The following CASKIN1 variants were observed in gnomAD, a reference collection of about 807,000 sequenced individuals.
CASKIN1 encodes the protein caskin-1.
A neutral mutation model predicts 117.5 loss-of-function variants in CASKIN1; 42 were observed. The ratio of observed to expected loss-of-function variants is 0.36; its 90% CI spans 0.28 to 0.46. The LOEUF (loss-of-function observed/expected upper bound fraction) is 0.46, where lower values mean the gene tolerates loss of function less well. Among genes scored for constraint, CASKIN1 ranks in the 20% least tolerant of loss-of-function variants. The probability of loss-of-function intolerance (pLI) is 1.00; values close to 1 mark genes in which losing one functional copy is unlikely to be tolerated. For missense variants in CASKIN1, 2,083 were observed against 2,077.3 expected (o/e 1.00, Z -0.05); for synonymous variants, 1,148 against 961.7 (o/e 1.19, Z -3.59).
At position 2,179,762 on chromosome 16, in the gene CASKIN1, G is replaced by GGGCGGGGGTTCGGCA. The variant is rs778778567; in HGVS notation, c.3591_3605dup (p.Ala1198_Pro1202dup). 6 of 1,565,030 alleles carry GGGCGGGGGTTCGGCA rather than the reference G, an allele frequency of 3.8e-6. No homozygotes were observed. The African/African-American group carries it at 5.4e-5, about 14-fold the overall frequency. On this transcript the variant is annotated inframe_insertion, in exon 18 of 20. Transcript: ENST00000343516. The surrounding 1 kb of genome is among the most constrained non-coding windows in gnomAD (Gnocchi z 5.8). ...ATGGGGGTAGGTGCGCCAGGTCGGT[G>GGGCGGGGGTTCGGCA]GGCGGGGGTTCGGCAGGCGGGGGCG... is the stretch of plus-strand genomic sequence containing the variant.
At position 2,178,643 on chromosome 16, in the gene CASKIN1, G is replaced by T; in HGVS notation, c.4203C>A (p.Asp1401Glu). The change falls in exon 20 of 20, where the codon GAC (aspartate) becomes GAA (glutamate). Residue 1401 changes from aspartate (D) to glutamate (E), a missense_variant. By Grantham distance (45) the Asp-to-Glu change is conservative. This residue lies in a region of CASKIN1 where 1,818 missense variants were observed against 1,688.9 expected (regional missense o/e 1.08). Coordinates refer to ENST00000343516, the MANE Select transcript of CASKIN1 (RefSeq NM_020764.4). The part of the protein sequence containing the change: ...IRQEDAQGPR[D>E]SAAEKSTGSI... ...TGCCAGTGCTCTTTTCCGCCGCCGA[G>T]TCGCTGCGGGGCGCGGGGCAAGGGG... 1.3e-6 allele frequency: 2 copies of T among 1,588,700 alleles called. No individual in the cohort carries two copies. Among genetic ancestry groups the T allele is most frequent in the Non-Finnish European group, 1.7e-6 (2 of 1,173,844 alleles).
chr16:2,179,816 C>T lies in CASKIN1; in HGVS notation c.3552G>A (p.Glu1184=). The stretch of plus-strand genomic sequence containing the variant: ...GAGGCAGCTCCGGAGGCCCAGCCTG[C>T]TCCGAGGCCGGTCGGCGGCGCACGG... The part of the protein sequence containing the change: ...TGTVRRRPAS[E]QAGPPELPPP... The change falls in exon 18 of 20, where the codon GAG becomes GAA. Residue 1184 remains glutamate, a synonymous_variant. Transcript: ENST00000343516. This position sits in a 1 kb window ranked among gnomAD's most constrained non-coding sequence, Gnocchi z 5.8. 1 of 1,588,356 alleles carries T rather than the reference C, an allele frequency of 6.3e-7. No individual in the cohort carries two copies.
intron 6 of CASKIN1, 93 bp from the exon 7 acceptor site, chr16:2,187,554 CAGTCAGCTTGG>C (rs2093188578): frequency 1.0e-6 from 1 of 989,548 alleles, no homozygotes. Context: ...GGTACCCCAG[CAGTCAGCTTGG>C]GGGCTGAGGA....
chr16:2,183,417 G>A (rs2093174071), intron 16 of CASKIN1, among the ~76,000 whole-genome samples: 1 of 152,154 alleles, frequency 6.6e-6, no homozygotes, highest in African/African-American at 2.4e-5. Context: ...GACTCTCCTG[G>A]CTTCAGGCTC....
rs1163914638 is a variant in CASKIN1 at position 2,180,733 on chromosome 16, G to A, written c.2635C>T (p.Arg879Trp). The part of the protein sequence containing the change: ...ADAEPGRPKK[R>W]AHSLNRYAAS... The stretch of plus-strand genomic sequence containing the variant: ...GCATAGCGATTCAGGCTGTGGGCCC[G>A]CTTCTTGGGCCGCCCCGGCTCCGCG... Residue 879 changes from arginine (R) to tryptophan (W), a missense_variant, in exon 18 of 20, where the codon CGG (arginine) becomes TGG (tryptophan). Arg to Trp is a moderately radical substitution (Grantham distance 101). Transcript: ENST00000343516. 9.0e-6 allele frequency: 13 copies of A among 1,447,452 alleles called. No individual in the cohort carries two copies. The highest frequency in any genetic ancestry group is 9.9e-6 in the Non-Finnish European group (11 of 1,107,886). 89.7% of individuals were successfully genotyped at this position (1,447,452 alleles called of 1,614,324 possible). A position where few individuals can be genotyped will look rare whatever the true frequency, so the allele number is the denominator to read the frequency against.
At chr16:2,195,972 G>C (rs537063103) in intron 1 of CASKIN1, among the ~76,000 whole-genome samples, 4 of 149,274 alleles carry the variant, frequency 2.7e-5, no homozygotes, top group East Asian at 2.0e-4. Context: ...CGTGTGGTGG[G>C]TGGGGGGGGC....
At position 2,184,718 on chromosome 16, in the gene CASKIN1, C is replaced by T. The variant is rs150156711; in HGVS notation, c.1416+59G>A. 2.3e-3 allele frequency: 3,169 copies of T among 1,389,952 alleles called. 45 individuals are homozygous for T. The African/African-American group carries it at 0.04, about 18-fold the overall frequency. The allele number at this position is 1,389,952 out of a possible 1,614,324, so 86.1% of individuals were successfully genotyped here. On this transcript the variant is annotated intron_variant, in intron 14 of 19. Transcript: ENST00000343516. The stretch of plus-strand genomic sequence containing the variant: ...GCAGGCCGTGTAAGCACCCATCAGC[C>T]CATCGGCCTTACAGCCTCTCCCCGG...
At chr16:2,181,661 A>C in intron 17 of CASKIN1, 62 bp from the exon 18 acceptor site, 2 of 101,848 alleles carry the variant, frequency 2.0e-5, no homozygotes, top group Non-Finnish European at 3.6e-5. Context: ...GGGCCGGGCT[A>C]GGGGCGGGGC....
Position 2,181,353 on chromosome 16 carries a change from C to A in CASKIN1, c.2015G>T (p.Gly672Val), listed in dbSNP as rs1452114413. The A allele has an allele frequency of 3.1e-6, 5 of 1,606,476 alleles. No homozygotes were observed. Among genetic ancestry groups the A allele is most frequent in the Non-Finnish European group, 2.5e-6 (3 of 1,178,364 alleles). The change falls in exon 18 of 20, where the codon GGG becomes GTG. Residue 672 changes from glycine to valine, a missense_variant. Physicochemically the swap from Gly to Val is moderately radical, Grantham distance 109. Around this residue, in one of 3 missense-constraint regions of CASKIN1, gnomAD observed 1,818 missense variants for 1,688.9 expected, o/e 1.08. Transcript: ENST00000343516. Reference sequence around the variant, plus strand: ...GCTGGAGGGCTTCTCAGTGGTGGGCCCCACCTCAGCCGGGCCAGTCATGGC... The same window carrying A: ...GCTGGAGGGCTTCTCAGTGGTGGGCACCACCTCAGCCGGGCCAGTCATGGC... ...QAAMTGPAEV[G>V]PTTEKPSSHL...
chr16:2,177,913 A>T lies in CASKIN1; in HGVS notation c.*637T>A. On this transcript the variant is annotated 3_prime_UTR_variant, in exon 20 of 20. Coordinates refer to ENST00000343516, the MANE Select transcript of CASKIN1 (RefSeq NM_020764.4). ...CCTGTGCTAGCAGCCTGGGGCCTCCACTCTGGCCGGAGGAAGGACCGCAGG... is the reference window on the plus strand; with the variant it reads ...CCTGTGCTAGCAGCCTGGGGCCTCCTCTCTGGCCGGAGGAAGGACCGCAGG... The T allele has an allele frequency of 2.9e-6, 1 of 339,326 alleles. No individual in the cohort carries two copies. Among genetic ancestry groups the T allele is most frequent in the Non-Finnish European group, 5.5e-6 (1 of 180,796 alleles). The allele number at this position is 339,326 out of a possible 1,614,324, so 21.0% of individuals were successfully genotyped here. A position where few individuals can be genotyped will look rare whatever the true frequency, so the allele number is the denominator to read the frequency against.
Position 2,185,144 on chromosome 16 carries a change from AC to A in CASKIN1, c.1205del (p.Gly402ValfsTer76). 6.2e-7 allele frequency: 1 copy of A among 1,605,794 alleles called. No individual in the cohort carries two copies. Among genetic ancestry groups the A allele is most frequent in the African/African-American group, 1.3e-5 (1 of 74,820 alleles). ...CTTCAGAGCCCGCGTGTAGGGCGTG[AC>A]CCCCGCTGCCCCGGCCGCCAGCCAT... Reference protein sequence around the residue: ...SGMAGGRGSGGHALHAGSEGV... With the variant: ...SGMAGGRGSGXHALHAGSEGV... On this transcript the variant is annotated frameshift_variant, in exon 12 of 20. Coordinates refer to ENST00000343516, the MANE Select transcript of CASKIN1 (RefSeq NM_020764.4). LOFTEE classifies it high-confidence loss of function.
rs2093144610 is a variant in CASKIN1, at chr16:2,177,638, C to G, written c.*912G>C. 4.2e-6 allele frequency: 1 copy of G among 237,030 alleles called. No homozygotes were observed. Among genetic ancestry groups the G allele is most frequent in the East Asian group, 6.1e-5 (1 of 16,412 alleles). The allele number at this position is 237,030 out of a possible 1,614,324, so 14.7% of individuals were successfully genotyped here. On this transcript the variant is annotated 3_prime_UTR_variant, in exon 20 of 20. Coordinates refer to ENST00000343516, the MANE Select transcript of CASKIN1 (RefSeq NM_020764.4). Reference sequence around the variant, plus strand: ...GCCTGCACAGCCCCTGGAGAGGGGGCCAGGCACACCCTCAGAGGAGCTGCA... The same window carrying G: ...GCCTGCACAGCCCCTGGAGAGGGGGGCAGGCACACCCTCAGAGGAGCTGCA...
intron 9 of CASKIN1, 66 bp from the exon 10 acceptor site, chr16:2,186,890 C>A (rs2093186424): frequency 1.2e-6 from 2 of 1,604,172 alleles, no homozygotes; most frequent in Admixed American, 3.3e-5. Flanking sequence ...GCCCAGTGCC[C>A]CCCAGTTGCG....
Position 2,181,946 on chromosome 16 carries a change from C to G in CASKIN1, c.1630-17G>C. 3 of 1,611,810 alleles carry G rather than the reference C, an allele frequency of 1.9e-6. No homozygotes were observed. Among genetic ancestry groups the G allele is most frequent in the Non-Finnish European group, 1.7e-6 (2 of 1,178,652 alleles). On this transcript the variant is annotated splice_polypyrimidine_tract_variant and intron_variant, in intron 16 of 19. Coordinates refer to ENST00000343516, the MANE Select transcript of CASKIN1 (RefSeq NM_020764.4). Reference sequence around the variant, plus strand: ...CAGGTTAGCCTACAGAGCAGACACACAGAGGAGCCACCTGGGCTGGCTGCC... The same window carrying G: ...CAGGTTAGCCTACAGAGCAGACACAGAGAGGAGCCACCTGGGCTGGCTGCC...
intron 5 of CASKIN1, 22 bp downstream of exon 5, chr16:2,189,216 C>T (rs1453350433): frequency 9.3e-6 from 15 of 1,612,824 alleles, no homozygotes; most frequent in Non-Finnish European, 1.3e-5. Flanking sequence ...CCCCACCCCA[C>T]AGGGCTCCAC....
Position 2,181,021 on chromosome 16 carries a change from T to A in CASKIN1, c.2347A>T (p.Thr783Ser). 6.7e-7 allele frequency: 1 copy of A among 1,481,968 alleles called. No homozygotes were observed. The highest frequency in any genetic ancestry group is 8.9e-7 in the Non-Finnish European group (1 of 1,120,628). The allele number at this position is 1,481,968 out of a possible 1,614,324, so 91.8% of individuals were successfully genotyped here. A position where few individuals can be genotyped will look rare whatever the true frequency, so the allele number is the denominator to read the frequency against. Residue 783 changes from threonine to serine, a missense_variant, in exon 18 of 20, where the codon ACC (threonine) becomes TCC (serine). This residue lies in a region of CASKIN1 where 1,818 missense variants were observed against 1,688.9 expected (regional missense o/e 1.08). Transcript: ENST00000343516. ...AGGGCCTGGGGAGAGCCTGGTCGGG[T>A]TTTGGTGGGCGTCTGGGGGGGCGTG... is the stretch of plus-strand genomic sequence containing the variant. The part of the protein sequence containing the change: ...HFTPPQTPTK[T>S]RPGSPQALGG...
chr16:2,188,938 C>G, intron 6 of CASKIN1, 89 bp downstream of exon 6: 1 of 1,525,482 alleles, frequency 6.6e-7, no homozygotes, highest in Non-Finnish European at 8.8e-7. Context: ...CCGCCCTATC[C>G]CCAAGCCAGA....
In CASKIN1 at chr16:2,181,310, C is replaced by G; in HGVS notation, c.2058G>C (p.Pro686=). The G allele has an allele frequency of 6.2e-7, 1 of 1,603,928 alleles. No homozygotes were observed. The highest frequency in any genetic ancestry group is 1.7e-5 in the Admixed American group (1 of 59,720). Residue 686 remains proline (P), a synonymous_variant, in exon 18 of 20, where the codon CCG becomes CCC. Coordinates refer to ENST00000343516, the MANE Select transcript of CASKIN1 (RefSeq NM_020764.4). ...EKPSSHLPPT[P]RATTRQDSSL... ...TGGAGTCCTGCCGCGTGGTGGCCCTCGGGGTGGGTGGCAGGTGGCTGGAGG... is the reference window on the plus strand; with the variant it reads ...TGGAGTCCTGCCGCGTGGTGGCCCTGGGGGTGGGTGGCAGGTGGCTGGAGG...
At position 2,180,970 on chromosome 16, in the gene CASKIN1, C is replaced by G; in HGVS notation, c.2398G>C (p.Ala800Pro). The change falls in exon 18 of 20, where the codon GCT (alanine) becomes CCT (proline). Residue 800 changes from alanine (A) to proline (P), a missense_variant. By Grantham distance (27) the Ala-to-Pro change is conservative (BLOSUM62 -1). This residue lies in a region of CASKIN1 where 1,818 missense variants were observed against 1,688.9 expected (regional missense o/e 1.08). Coordinates refer to ENST00000343516, the MANE Select transcript of CASKIN1 (RefSeq NM_020764.4). ...GGGGTGGGCTTCACCTTGGCCGTAG[C>G]TGGGGCTGGACCATGAGGTCCCCCA... The part of the protein sequence containing the change: ...ALGGPHGPAP[A>P]TAKVKPTPQL... The G allele has an allele frequency of 6.8e-7, 1 of 1,468,012 alleles. No homozygotes were observed. The highest frequency in any genetic ancestry group is 1.5e-5 in the South Asian group (1 of 68,808). 90.9% of individuals were successfully genotyped at this position (1,468,012 alleles called of 1,614,324 possible).
Sources: gnomAD v4.1 joint callset for allele counts (sites outside exome capture counted in the v4.1 genomes callset) on GRCh38, gnomAD v4.1.1 for gene constraint, gnomAD v4.1.1 regional missense constraint, Gnocchi (gnomAD v3.1) non-coding constraint, MANE v1.5 for transcripts, NCBI Gene and HGNC (gene_info 2026-07-23, HGNC 2026-07-21) for gene names.